Variants in MYO1E observed in about 807,000 individuals in gnomAD.
The protein encoded by MYO1E is unconventional myosin-Ie.
MYO1E carries 68 observed loss-of-function variants against 151.1 expected under a neutral mutation model. That is an observed-to-expected ratio of 0.45 (90% CI 0.37 to 0.55). The LOEUF is 0.55. MYO1E is among the 20% of genes least tolerant of loss of function. The probability of loss-of-function intolerance (pLI) is 0.00; values close to 1 mark genes in which losing one functional copy is unlikely to be tolerated. For missense variants in MYO1E, 1,363 were observed against 1,389.3 expected (o/e 0.98, Z 0.30); for synonymous variants, 601 against 501.7 (o/e 1.20, Z -2.64).
At chr15:59,278,660 G>A (rs934347002) in intron 1 of MYO1E, among the ~76,000 whole-genome samples, 2 of 152,178 alleles carry the variant, frequency 1.3e-5, no homozygotes, top group Non-Finnish European at 2.9e-5. Flanking sequence ...TCTGAAGCAA[G>A]TATGTGTGTG....
At chr15:59,157,367 A>T (rs1224283434) in intron 25 of MYO1E, among the ~76,000 whole-genome samples, 1 of 152,242 alleles carries the variant, frequency 6.6e-6, no homozygotes, top group African/African-American at 2.4e-5. Context: ...CTATTCAGTC[A>T]TTAAGCTGCT....
intron 6 of MYO1E, 128 bp downstream of exon 6, chr15:59,231,574 A>T (rs141516941): frequency 5.9e-6 from 6 of 1,010,148 alleles, no homozygotes; most frequent in Non-Finnish European, 9.2e-6. Context: ...AAAATGAAGG[A>T]AAGATCGAAG....
At chr15:59,214,826 T>C (rs1297634927) in intron 10 of MYO1E, 106 bp from the exon 11 acceptor site, 1 of 877,234 alleles carries the variant, frequency 1.1e-6, no homozygotes, top group African/African-American at 1.6e-5. Context: ...ACACTACTGC[T>C]TGCAGGAAAC....
intron 2 of MYO1E, among the ~76,000 whole-genome samples, chr15:59,266,466 T>G (rs1187106700): frequency 6.6e-6 from 1 of 152,166 alleles, no homozygotes; most frequent in Non-Finnish European, 1.5e-5. Context: ...ATCTATCAGT[T>G]TTCATTGACC....
intron 26 of MYO1E, among the ~76,000 whole-genome samples, chr15:59,144,757 C>T (rs1168683070): frequency 2.0e-5 from 3 of 152,200 alleles, no homozygotes; most frequent in Admixed American, 2.0e-4. Context: ...CAGCCATTTT[C>T]CCAGACTCCA....
chr15:59,209,457 C>T (rs1378138226), intron 13 of MYO1E, among the ~76,000 whole-genome samples: 3 of 151,858 alleles, frequency 2.0e-5, no homozygotes, highest in Non-Finnish European at 4.4e-5. Flanking sequence ...GGGGGTGGAT[C>T]ACGAGGTCAG....
intron 1 of MYO1E, among the ~76,000 whole-genome samples, chr15:59,283,937 T>C (rs1348269247): frequency 6.6e-6 from 1 of 152,250 alleles, no homozygotes; most frequent in Non-Finnish European, 1.5e-5. Flanking sequence ...CACCACCAAG[T>C]ACTTGTATTA....
chr15:59,243,574 C>T (rs1175370754), intron 4 of MYO1E, among the ~76,000 whole-genome samples: 1 of 152,138 alleles, frequency 6.6e-6, no homozygotes, highest in African/African-American at 2.4e-5. Flanking sequence ...AGCTCTACTG[C>T]TCAGAGGACG....
rs1163656168 is a variant in MYO1E, at chr15:59,324,411, C to T, written c.3+48087G>A. ...CTGTGGAGAGCCTTGTGCTAAACCA[C>T]CCCAAAATGACCTGCTTCTGGGTCT... On this transcript the variant is annotated intron_variant, in intron 1 of 27. Transcript: ENST00000288235. Among the ~76,000 whole-genome samples the T allele has an allele frequency of 6.6e-5, 10 of 152,322 alleles. 1 individual carries two copies. The South Asian group carries it at 1.7e-3, about 25-fold the overall frequency.
chr15:59,219,155 G>A (rs1245824655), intron 9 of MYO1E, among the ~76,000 whole-genome samples: 3 of 152,148 alleles, frequency 2.0e-5, no homozygotes, highest in Admixed American at 6.5e-5. Context: ...ATAGAAAAAC[G>A]GAGACTTCCA....
intron 1 of MYO1E, among the ~76,000 whole-genome samples, chr15:59,352,314 G>C (rs897227996): frequency 6.6e-6 from 1 of 152,172 alleles, no homozygotes; most frequent in Non-Finnish European, 1.5e-5. Context: ...TGATATCCTG[G>C]AGGGCGGCCA....
In MYO1E at chr15:59,236,641, C is replaced by T. The variant is rs1427785246; in HGVS notation, c.364G>A (p.Ala122Thr). ...GESGAGKTVA[A>T]KYIMSYISRV... Reference sequence around the variant, plus strand: ...GAGATGTAGCTCATGATATATTTGGCAGCCACTGTTTTTCCAGCACCACTT... The same window carrying T: ...GAGATGTAGCTCATGATATATTTGGTAGCCACTGTTTTTCCAGCACCACTT... The change falls in exon 5 of 28, where the codon GCC becomes ACC. Residue 122 changes from alanine to threonine, a missense_variant. Coordinates refer to ENST00000288235, the MANE Select transcript of MYO1E (RefSeq NM_004998.4). 2 of 1,613,956 alleles carry T rather than the reference C, an allele frequency of 1.2e-6. No individual in the cohort carries two copies. The highest frequency in any genetic ancestry group is 8.5e-7 in the Non-Finnish European group (1 of 1,179,916).
chr15:59,202,902 C>T (rs1027807711), intron 15 of MYO1E, among the ~76,000 whole-genome samples: 22 of 152,102 alleles, frequency 1.4e-4, no homozygotes, highest in African/African-American at 4.8e-4. Flanking sequence ...GACGCCACCA[C>T]GTCCAGCTAA....
chr15:59,259,193 T>C (rs1290106595), intron 3 of MYO1E, among the ~76,000 whole-genome samples: 7 of 152,224 alleles, frequency 4.6e-5, no homozygotes, highest in Admixed American at 4.6e-4. Context: ...ATGTACTTAC[T>C]TGTTCTCAAA....
intron 16 of MYO1E, among the ~76,000 whole-genome samples, chr15:59,198,327 G>A (rs780584077): frequency 2.6e-5 from 4 of 152,182 alleles, no homozygotes; most frequent in Non-Finnish European, 5.9e-5. Flanking sequence ...AGTGAGAAAC[G>A]GCTCAGGGTG....
intron 1 of MYO1E, among the ~76,000 whole-genome samples, chr15:59,366,997 CAAAAAA>C (rs66848377): frequency 4.2e-4 from 12 of 28,626 alleles, no homozygotes; most frequent in African/African-American, 7.3e-4. Flanking sequence ...TGCATTTTCG[CAAAAAA>C]AAAAAAAAAA....
At chr15:59,156,046 A>G (rs1005443089) in intron 25 of MYO1E, among the ~76,000 whole-genome samples, 6 of 152,184 alleles carry the variant, frequency 3.9e-5, no homozygotes, top group Non-Finnish European at 7.4e-5. Flanking sequence ...ATCTTGAGAC[A>G]GGGTCTCACT....
intron 25 of MYO1E, among the ~76,000 whole-genome samples, chr15:59,157,354 C>T (rs1247603484): frequency 6.6e-6 from 1 of 152,164 alleles, no homozygotes; most frequent in African/African-American, 2.4e-5. Context: ...AAACAGATTT[C>T]TTCTATTCAG....
chr15:59,294,459 C>T (rs1230232217), intron 1 of MYO1E, among the ~76,000 whole-genome samples: 2 of 152,180 alleles, frequency 1.3e-5, no homozygotes, highest in South Asian at 2.1e-4. Flanking sequence ...CTACCCAAAC[C>T]CCATTGAACT....
Sources: allele counts gnomAD v4.1 joint callset (sites outside exome capture counted in the v4.1 genomes callset), GRCh38; gene constraint gnomAD v4.1.1; transcripts MANE v1.5; gene names NCBI Gene and HGNC (gene_info 2026-07-23, HGNC 2026-07-21).